THSD4: variants seen among roughly 807,000 people sequenced by gnomAD.
The protein encoded by THSD4 is thrombospondin type-1 domain-containing protein 4.
Under a neutral mutation model 119.0 loss-of-function variants are expected in THSD4, and 69 were observed. The ratio of observed to expected loss-of-function variants is 0.58; its 90% confidence interval spans 0.48 to 0.71. The LOEUF is 0.71. Ranked by LOEUF, THSD4 falls within the 30% of genes least tolerant of loss-of-function variation. THSD4 has a pLI of 0.00. For missense variants in THSD4, 1,393 were observed against 1,391.1 expected, an observed-to-expected ratio of 1.00 and a Z score of -0.02; for synonymous variants, 524 against 540.4, an observed-to-expected ratio of 0.97 and a Z score of 0.42.
At chr15:71,621,570 G>A (rs1189620792) in intron 7 of THSD4, among the ~76,000 whole-genome samples, 1 of 152,172 alleles carries the variant, frequency 6.6e-6, no homozygotes, top group East Asian at 1.9e-4. Flanking sequence ...CATTTCCATT[G>A]GAGTGTTAAG....
intron 7 of THSD4, among the ~76,000 whole-genome samples, chr15:71,549,155 G>A (rs527268730): frequency 3.3e-5 from 5 of 152,342 alleles, no homozygotes; most frequent in Middle Eastern, 3.4e-3. Context: ...AGTGCTCAGC[G>A]TTTGAGAGAG....
intron 6 of THSD4, among the ~76,000 whole-genome samples, chr15:71,260,227 T>A (rs755426696): frequency 1.3e-5 from 2 of 152,198 alleles, no homozygotes; most frequent in Non-Finnish European, 2.9e-5. Context: ...TTTCTGTTAT[T>A]TTTTTCCCCT....
intron 8 of THSD4, among the ~76,000 whole-genome samples, chr15:71,674,395 A>T (rs1056779244): frequency 6.6e-6 from 1 of 152,214 alleles, no homozygotes; most frequent in East Asian, 1.9e-4. Context: ...ATGTCATAGA[A>T]CTATTACCTT....
chr15:71,608,853 A>G (rs1226225542), intron 7 of THSD4, among the ~76,000 whole-genome samples: 1 of 152,194 alleles, frequency 6.6e-6, no homozygotes, highest in African/African-American at 2.4e-5. Flanking sequence ...TATCCCCAAT[A>G]TGTAGATAAG....
chr15:71,269,427 C>G (rs1169962273), intron 6 of THSD4, among the ~76,000 whole-genome samples: 1 of 152,114 alleles, frequency 6.6e-6, no homozygotes, highest in African/African-American at 2.4e-5. Context: ...TCTCAATAAA[C>G]TAGGTATTAA....
At chr15:71,124,997 C>T (rs2040441159) in intron 1 of THSD4, among the ~76,000 whole-genome samples, 1 of 152,056 alleles carries the variant, frequency 6.6e-6, no homozygotes, top group East Asian at 1.9e-4. Context: ...TGCTTGAGCC[C>T]AGGAGTTTTG....
chr15:71,341,310 G>A (rs772621694), intron 6 of THSD4: 44 of 1,601,930 alleles, frequency 2.7e-5, no homozygotes, highest in Non-Finnish European at 3.6e-5. Context: ...GGGTTAATCC[G>A]ACCATGAGCT....
At chr15:71,143,060 G>A (rs1441090023) in intron 2 of THSD4, among the ~76,000 whole-genome samples, 1 of 152,164 alleles carries the variant, frequency 6.6e-6, no homozygotes, top group African/African-American at 2.4e-5. Flanking sequence ...GGGCAGACGT[G>A]TGCAGGCCTG....
Position 71,671,000 on chromosome 15 carries a change from T to C in THSD4, c.1357+10266T>C, listed in dbSNP as rs538742193. On this transcript the variant is annotated intron_variant, in intron 8 of 17. Coordinates refer to ENST00000261862, the MANE Select transcript of THSD4 (RefSeq NM_024817.3). ...CTTTATAGCAGCATGATTTATAATC[T>C]TTTGGGTATATACCCAGTAATGGAA... 2.5e-3 allele frequency among the ~76,000 whole-genome samples: 379 copies of C among 152,316 alleles called. 4 individuals carry two copies. Among genetic ancestry groups the C allele is most frequent in the South Asian group, 0.011 (54 of 4,826 alleles).
intron 7 of THSD4, among the ~76,000 whole-genome samples, chr15:71,438,185 G>A (rs1224184819): frequency 2.6e-5 from 4 of 152,056 alleles, no homozygotes. Context: ...TGTGTGATCT[G>A]TCTTTTAATA....
intron 5 of THSD4, among the ~76,000 whole-genome samples, chr15:71,249,127 G>A (rs766711248): frequency 6.6e-5 from 10 of 150,858 alleles, no homozygotes; most frequent in Non-Finnish European, 1.2e-4. Context: ...ACACACACAC[G>A]TATGTATATA....
chr15:71,675,567 C>G (rs1181687064), intron 8 of THSD4, among the ~76,000 whole-genome samples: 2 of 152,154 alleles, frequency 1.3e-5, no homozygotes, highest in East Asian at 3.9e-4. Flanking sequence ...GTTCTGTGCT[C>G]AGACATCTTA....
rs2140250155 is a variant in THSD4, at chr15:71,215,150, G to A, written c.215G>A (p.Gly72Asp). The A allele has an allele frequency of 1.5e-6, 2 of 1,372,536 alleles. No individual in the cohort carries two copies. The highest frequency in any genetic ancestry group is 5.9e-5 in the Admixed American group (2 of 33,868). 85.0% of individuals were successfully genotyped at this position (1,372,536 alleles called of 1,614,324 possible). A position where few individuals can be genotyped will look rare whatever the true frequency, so the allele number is the denominator to read the frequency against. The change falls in exon 4 of 18, where the codon GGC becomes GAC. Residue 72 changes from glycine to aspartate, a missense_variant. Gly to Asp is a moderately conservative substitution (Grantham distance 94). Transcript: ENST00000261862. The part of the protein sequence containing the change: ...WSACSRSCSG[G>D]VMEQTRPCLP... The stretch of plus-strand genomic sequence containing the variant: ...GCCTGCTCGCGTAGCTGCAGCGGCG[G>A]CGTGATGGAGCAGACGCGGCCCTGC...
intron 3 of THSD4, among the ~76,000 whole-genome samples, chr15:71,189,421 A>C (rs1323477868): frequency 1.3e-5 from 2 of 152,208 alleles, no homozygotes; most frequent in African/African-American, 2.4e-5. Flanking sequence ...CTGTAATCCC[A>C]GCACTTTGGG....
chr15:71,754,867 TA>T (rs1330397927), intron 14 of THSD4, among the ~76,000 whole-genome samples: 3 of 152,146 alleles, frequency 2.0e-5, no homozygotes, highest in Non-Finnish European at 4.4e-5. Flanking sequence ...CAAAGGGTGA[TA>T]AACTATGGAG....
At chr15:71,568,568 C>CTTTTTTTTTTTTTTGTTTTTTTTTTTTCT (rs61430926) in intron 7 of THSD4, among the ~76,000 whole-genome samples, 1 of 137,872 alleles carries the variant, frequency 7.3e-6, no homozygotes. Context: ...CTCTTTTTCT[C>CTTTTTTTTTTTTTTGTTTTTTTTTTTTCT]TTTTTTTTTT....
At chr15:71,639,965 A>G (rs1210701509) in intron 7 of THSD4, among the ~76,000 whole-genome samples, 2 of 152,212 alleles carry the variant, frequency 1.3e-5, no homozygotes, top group East Asian at 3.8e-4. Flanking sequence ...TACAATATAT[A>G]TTACTGACTT....
chr15:71,719,879 T>G (rs1174547400), intron 8 of THSD4, among the ~76,000 whole-genome samples: 3 of 152,104 alleles, frequency 2.0e-5, no homozygotes, highest in African/African-American at 7.2e-5. Flanking sequence ...TTTCTCCATG[T>G]TGCCCAGGTT....
chr15:71,523,735 G>T (rs1052488142), intron 7 of THSD4, among the ~76,000 whole-genome samples: 6 of 152,176 alleles, frequency 3.9e-5, no homozygotes, highest in Non-Finnish European at 8.8e-5. Context: ...GATATTTCAT[G>T]GAAGAATTTG....
Sources: allele counts gnomAD v4.1 joint callset (sites outside exome capture counted in the v4.1 genomes callset), GRCh38; gene constraint gnomAD v4.1.1; transcripts MANE v1.5; gene names NCBI Gene and HGNC (gene_info 2026-07-23, HGNC 2026-07-21).